Variants in TBC1D2B observed in about 807,000 individuals in gnomAD.
TBC1D2B encodes the protein TBC1 domain family member 2B, also known as TBC1 domain family, member 2B.
A neutral mutation model predicts 100.8 loss-of-function variants in TBC1D2B; 64 were observed. The ratio of observed to expected loss-of-function variants is 0.64; its 90% CI spans 0.52 to 0.78. The LOEUF is 0.78. Ranked by LOEUF, TBC1D2B falls within the 30% of genes least tolerant of loss-of-function variation. TBC1D2B has a pLI of 0.00. For synonymous variants in TBC1D2B, 480 were observed against 479.7 expected (o/e 1.00, Z -0.01); for missense variants, 1,052 against 1,218.4 (o/e 0.86, Z 2.03).
chr15:78,024,126 C>T, intron 6 of TBC1D2B, 30 bp downstream of exon 6: 1 of 1,578,808 alleles, frequency 6.3e-7, no homozygotes, highest in Non-Finnish European at 8.6e-7. Context: ...TCTCTCATGC[C>T]AATCACCAGA....
intron 2 of TBC1D2B, among the ~76,000 whole-genome samples, chr15:78,046,613 C>A (rs541090444): frequency 6.6e-6 from 1 of 151,928 alleles, no homozygotes; most frequent in Non-Finnish European, 1.5e-5. Flanking sequence ...ACTACAGGCA[C>A]GCACGATGCC....
At chr15:78,010,207 T>C (rs574191467) in intron 9 of TBC1D2B, among the ~76,000 whole-genome samples, 3 of 152,292 alleles carry the variant, frequency 2.0e-5, no homozygotes, top group South Asian at 4.1e-4. Context: ...GCCCACTGCA[T>C]GCACAGCAGG....
At chr15:78,032,417 A>AATAT (rs903485037) in intron 3 of TBC1D2B, among the ~76,000 whole-genome samples, 2 of 150,284 alleles carry the variant, frequency 1.3e-5, no homozygotes, top group African/African-American at 4.9e-5. Flanking sequence ...CAATAAAAAA[A>AATAT]ATATATATAT....
At chr15:78,003,687 A>G in intron 10 of TBC1D2B, 197 bp from the exon 11 acceptor site, 1 of 528,790 alleles carries the variant, frequency 1.9e-6, no homozygotes, top group Non-Finnish European at 3.4e-6. Context: ...CTGCAGGTAC[A>G]CACCGAGTGT....
intron 9 of TBC1D2B, among the ~76,000 whole-genome samples, chr15:78,011,708 G>T (rs1422759002): frequency 6.7e-6 from 1 of 148,240 alleles, no homozygotes; most frequent in Non-Finnish European, 1.5e-5. Context: ...GAGTGCAGTG[G>T]TGCAATGCTG....
At chr15:78,011,200 C>T (rs1203644638) in intron 9 of TBC1D2B, among the ~76,000 whole-genome samples, 3 of 152,168 alleles carry the variant, frequency 2.0e-5, no homozygotes, top group Admixed American at 1.3e-4. Context: ...TCCTCACCAC[C>T]ACAGAGACAA....
intron 10 of TBC1D2B, among the ~76,000 whole-genome samples, chr15:78,008,579 T>C (rs936479505): frequency 6.6e-6 from 1 of 152,220 alleles, no homozygotes; most frequent in Admixed American, 6.5e-5. Context: ...TCCCTTGTCC[T>C]CCACAGGGGC....
intron 12 of TBC1D2B, 78 bp downstream of exon 12, chr15:78,001,541 C>T (rs943021960): frequency 1.3e-6 from 2 of 1,485,098 alleles, no homozygotes; most frequent in South Asian, 1.4e-5. Context: ...TGGAAGACAG[C>T]AAGGACAGGC....
intron 11 of TBC1D2B, 190 bp downstream of exon 11, chr15:78,003,115 T>C: frequency 1.8e-6 from 1 of 559,422 alleles, no homozygotes; most frequent in East Asian, 2.9e-5. Context: ...TGAATGTTTC[T>C]GATACATGAA....
At chr15:78,029,761 A>T (rs1423613892) in intron 4 of TBC1D2B, among the ~76,000 whole-genome samples, 8 of 152,240 alleles carry the variant, frequency 5.3e-5, no homozygotes, top group Non-Finnish European at 1.0e-4. Context: ...CATAAAGAGG[A>T]TCATGACTTC....
At chr15:78,006,351 T>C (rs1204541460) in intron 10 of TBC1D2B, among the ~76,000 whole-genome samples, 2 of 152,228 alleles carry the variant, frequency 1.3e-5, no homozygotes, top group African/African-American at 4.8e-5. Context: ...CTGCTGCCTC[T>C]TCCTGTTGCT....
At chr15:78,027,832 A>C (rs547719001) in intron 4 of TBC1D2B, among the ~76,000 whole-genome samples, 2 of 152,312 alleles carry the variant, frequency 1.3e-5, no homozygotes, top group Admixed American at 1.3e-4. Context: ...ATCAGCTCGT[A>C]CTGAGCCCCT....
rs573949958 is a variant in TBC1D2B, at chr15:77,997,217, G to C, written c.*943C>G. 1.3e-5 allele frequency: 2 copies of C among 152,362 alleles called. No homozygotes were observed. Among genetic ancestry groups the C allele is most frequent in the Non-Finnish European group, 2.9e-5 (2 of 68,162 alleles). 9.4% of individuals were successfully genotyped at this position (152,362 alleles called of 1,614,324 possible). On this transcript the variant is annotated 3_prime_UTR_variant, in exon 13 of 13. Coordinates refer to ENST00000300584, the MANE Select transcript of TBC1D2B (RefSeq NM_144572.2). ...AGCTGTCCAAGAGCGTTCACGCTGC[G>C]GCTGCACCACTGCCCTGCAAAGCAC... is the stretch of plus-strand genomic sequence containing the variant.
At chr15:78,008,755 C>T (rs550876098) in intron 10 of TBC1D2B, among the ~76,000 whole-genome samples, 3 of 152,322 alleles carry the variant, frequency 2.0e-5, no homozygotes. Context: ...AATGTTAGGC[C>T]TGCAGGACGG....
At chr15:78,025,652 G>A (rs887860835) in intron 4 of TBC1D2B, 155 bp from the exon 5 acceptor site, 9 of 475,222 alleles carry the variant, frequency 1.9e-5, no homozygotes, top group African/African-American at 1.4e-4. Flanking sequence ...TCAGCCTCCC[G>A]AGTAGCTGGG....
At chr15:78,040,574 G>C (rs2073050386) in intron 3 of TBC1D2B, among the ~76,000 whole-genome samples, 2 of 139,902 alleles carry the variant, frequency 1.4e-5, no homozygotes, top group Admixed American at 7.7e-5. Flanking sequence ...GAAAAGAAAG[G>C]AAAGGAAAGG....
intron 11 of TBC1D2B, 80 bp from the exon 12 acceptor site, chr15:78,001,820 G>A (rs1360938401): frequency 2.0e-6 from 3 of 1,478,810 alleles, no homozygotes; most frequent in African/African-American, 1.4e-5. Context: ...GGGGGTGCTG[G>A]CCCTACTGGG....
chr15:78,042,028 T>G (rs2073102461), intron 3 of TBC1D2B, among the ~76,000 whole-genome samples: 1 of 151,910 alleles, frequency 6.6e-6, no homozygotes, highest in Non-Finnish European at 1.5e-5. Flanking sequence ...TAGCTGGGAG[T>G]TGAACTCAGG....
intron 1 of TBC1D2B, among the ~76,000 whole-genome samples, chr15:78,056,092 T>C (rs1208329593): frequency 6.6e-6 from 1 of 152,218 alleles, no homozygotes; most frequent in African/African-American, 2.4e-5. Context: ...CTCTAGCATC[T>C]AGCTCAGTGT....
Sources: allele counts gnomAD v4.1 joint callset (sites outside exome capture counted in the v4.1 genomes callset), GRCh38; gene constraint gnomAD v4.1.1; transcripts MANE v1.5; gene names NCBI Gene and HGNC (gene_info 2026-07-23, HGNC 2026-07-21).